ACOT11: variants seen among roughly 807,000 people sequenced by gnomAD.
ACOT11 encodes acyl-CoA thioesterase 11.
A neutral mutation model predicts 77.5 loss-of-function variants in ACOT11; 69 were observed. That is an observed-to-expected ratio of 0.89 (90% CI 0.73 to 1.09). ACOT11 has a LOEUF of 1.09. ACOT11 is among the 50% of genes least tolerant of loss of function. The pLI, the probability that ACOT11 is intolerant of heterozygous loss-of-function variation, is 0.00. For missense variants in ACOT11, 766 were observed against 813.7 expected (o/e 0.94, Z 0.71); for synonymous variants, 279 against 313.0 (o/e 0.89, Z 1.15).
In ACOT11 at chr1:54,554,315, G is replaced by GTA. The variant is rs1553161019; in HGVS notation, c.33+5974_33+5975insAT. Among the ~76,000 whole-genome samples, 94 of 68,278 alleles carry GTA rather than the reference G, an allele frequency of 1.4e-3. 4 individuals carry two copies. The highest frequency in any genetic ancestry group is 4.1e-3 in the African/African-American group (80 of 19,408). The allele number at this position is 68,278 out of a possible 152,430, so 44.8% of individuals were successfully genotyped here. A position where few individuals can be genotyped will look rare whatever the true frequency, so the allele number is the denominator to read the frequency against. Reference sequence around the variant, plus strand: ...AGTGTGTGTGTGTGTGTGTGTGTGTGTGTGTGTGTGTGTGTGTGTATATAT... The same window carrying GTA: ...AGTGTGTGTGTGTGTGTGTGTGTGTGTATGTGTGTGTGTGTGTGTGTATATAT... On this transcript the variant is annotated intron_variant, in intron 1 of 15. Coordinates refer to ENST00000343744, the MANE Select transcript of ACOT11 (RefSeq NM_147161.4).
chr1:54,549,364 C>T (rs557871483), intron 1 of ACOT11, among the ~76,000 whole-genome samples: 18 of 152,326 alleles, frequency 1.2e-4, no homozygotes, highest in African/African-American at 4.1e-4. Flanking sequence ...CATCCCCACC[C>T]CTCTGCTGTC....
At chr1:54,605,903 G>A (rs115565408) in intron 13 of ACOT11, among the ~76,000 whole-genome samples, 19 of 152,162 alleles carry the variant, frequency 1.2e-4, no homozygotes, top group East Asian at 3.9e-4. Context: ...TGCCATCACC[G>A]GGGCTCGAGG....
At chr1:54,617,968 C>A (rs941052589) in intron 15 of ACOT11, among the ~76,000 whole-genome samples, 3 of 152,004 alleles carry the variant, frequency 2.0e-5, no homozygotes, top group African/African-American at 7.2e-5. Context: ...CTCAGGTGAT[C>A]CACCCGCCTC....
intron 3 of ACOT11, 81 bp downstream of exon 3, chr1:54,585,985 T>G: frequency 6.8e-7 from 1 of 1,465,606 alleles, no homozygotes; most frequent in Middle Eastern, 1.8e-4. Context: ...CCCTGCCTGG[T>G]CAGCGTCTGT....
At chr1:54,587,550 CTTTTTTTT>C (rs33913350) in intron 3 of ACOT11, among the ~76,000 whole-genome samples, 11 of 73,542 alleles carry the variant, frequency 1.5e-4, no homozygotes, top group Admixed American at 3.8e-4. Flanking sequence ...GTTTGTAATC[CTTTTTTTT>C]TTTTTTTTTT....
chr1:54,582,314 C>A, intron 1 of ACOT11: 1 of 379,528 alleles, frequency 2.6e-6, no homozygotes, highest in Non-Finnish European at 3.6e-6. Flanking sequence ...TTGAGGGACA[C>A]AGGTAGAATT....
intron 3 of ACOT11, among the ~76,000 whole-genome samples, chr1:54,591,356 C>T (rs1654705460): frequency 6.6e-6 from 1 of 152,132 alleles, no homozygotes; most frequent in African/African-American, 2.4e-5. Context: ...AGTGACTCAC[C>T]CAAGGTCACA....
intron 6 of ACOT11, among the ~76,000 whole-genome samples, chr1:54,596,251 T>C (rs532760783): frequency 6.6e-6 from 1 of 152,308 alleles, no homozygotes; most frequent in East Asian, 1.9e-4. Flanking sequence ...CAGGCCACCC[T>C]CAACTTCCCC....
At chr1:54,557,646 A>G (rs796307505) in intron 1 of ACOT11, among the ~76,000 whole-genome samples, 4 of 152,136 alleles carry the variant, frequency 2.6e-5, no homozygotes, top group African/African-American at 7.2e-5. Flanking sequence ...GCTATTGTCA[A>G]TGGGATTGTT....
chr1:54,634,589 T>C, intron 16 of ACOT11: 1 of 679,224 alleles, frequency 1.5e-6, no homozygotes, highest in South Asian at 1.6e-5. Context: ...CCATACACAA[T>C]TGAATCTAGC....
chr1:54,623,374 A>G lies in ACOT11; in HGVS notation c.1630-7360A>G, dbSNP rs1255959891. 6 of 1,613,896 alleles carry G rather than the reference A, an allele frequency of 3.7e-6. No individual in the cohort carries two copies. The Admixed American group carries it at 8.3e-5, about 22-fold the overall frequency. The stretch of plus-strand genomic sequence containing the variant: ...AACACCCACTTGACCTGATTCTTTG[A>G]TAACTGCTCCCTGCAGACCATGGCG... On this transcript the variant is annotated intron_variant, in intron 15 of 16. Transcript: ENST00000371316.
chr1:54,549,741 A>C (rs1652997476), intron 1 of ACOT11, among the ~76,000 whole-genome samples: 2 of 152,186 alleles, frequency 1.3e-5, no homozygotes, highest in Non-Finnish European at 2.9e-5. Context: ...ATGCTTAATG[A>C]ATGAATGGGG....
At chr1:54,599,638 C>T (rs921479643) in intron 8 of ACOT11, 1 of 336,190 alleles carries the variant, frequency 3.0e-6, no homozygotes, top group Non-Finnish European at 5.1e-6. Flanking sequence ...GGTCAGGGAC[C>T]CCTCCTCTGG....
chr1:54,610,931 T>A, downstream of ACOT11: 1 of 985,382 alleles, frequency 1.0e-6, no homozygotes, highest in South Asian at 4.7e-5. Flanking sequence ...GATAGTGGCA[T>A]CTGATCACTG....
intron 15 of ACOT11, among the ~76,000 whole-genome samples, chr1:54,619,632 T>C (rs1415262581): frequency 6.6e-6 from 1 of 152,160 alleles, no homozygotes; most frequent in Non-Finnish European, 1.5e-5. Flanking sequence ...GGGAGGACAG[T>C]ATAGTCATTA....
At chr1:54,572,950 C>T (rs944153018) in intron 1 of ACOT11, 12 of 985,456 alleles carry the variant, frequency 1.2e-5, no homozygotes, top group Non-Finnish European at 1.4e-5. Flanking sequence ...GTACAGTTTT[C>T]AGCTCCCTGA....
At chr1:54,572,179 C>T (rs567491102) in intron 1 of ACOT11, among the ~76,000 whole-genome samples, 172 of 148,132 alleles carry the variant, frequency 1.2e-3, no homozygotes, top group Middle Eastern at 0.01. Flanking sequence ...TTCCTTCCCT[C>T]CTGTCTTTGA....
chr1:54,571,576 A>T (rs754732358), intron 1 of ACOT11, among the ~76,000 whole-genome samples: 2 of 152,200 alleles, frequency 1.3e-5, no homozygotes, highest in Non-Finnish European at 2.9e-5. Context: ...GCAGCACCAC[A>T]GGTTCCTCTG....
Position 54,597,401 on chromosome 1 carries a change from C to T in ACOT11, c.750C>T (p.Ala250=). 6.2e-7 allele frequency: 1 copy of T among 1,612,776 alleles called. No homozygotes were observed. The highest frequency in any genetic ancestry group is 1.3e-5 in the African/African-American group (1 of 75,022). ...TCATGGCCTGGATGGAGAATGTGGC[C>T]ACCATTGCAGCCAGGTGAGGGCAGG... ...GQIMAWMENV[A]TIAASRLCRA... is the part of the protein sequence containing the mutation. Residue 250 remains alanine (A), a synonymous_variant, in exon 7 of 16, where the codon GCC becomes GCT. Transcript: ENST00000343744.
Sources: gnomAD v4.1 joint callset for allele counts (sites outside exome capture counted in the v4.1 genomes callset) on GRCh38, gnomAD v4.1.1 for gene constraint, MANE v1.5 for transcripts, NCBI Gene and HGNC (gene_info 2026-07-23, HGNC 2026-07-21) for gene names.